Variants in IQGAP1 observed in about 807,000 individuals in gnomAD.
IQGAP1 encodes the protein IQ motif containing GTPase activating protein 1, also known as ras GTPase-activating-like protein IQGAP1.
A neutral mutation model predicts 215.6 loss-of-function variants in IQGAP1; 66 were observed. The ratio of observed to expected loss-of-function variants is 0.31; its 90% CI spans 0.25 to 0.38. The LOEUF is 0.38. IQGAP1 is among the 10% of genes least tolerant of loss of function. IQGAP1 has a pLI of 1.00. For missense variants in IQGAP1, 1,712 were observed against 1,997.1 expected, an observed-to-expected ratio of 0.86 and a Z score of 2.72; for synonymous variants, 772 against 728.7, an observed-to-expected ratio of 1.06 and a Z score of -0.96.
intron 15 of IQGAP1, among the ~76,000 whole-genome samples, chr15:90,461,817 T>C (rs985407744): frequency 1.3e-5 from 2 of 150,968 alleles, no homozygotes; most frequent in African/African-American, 4.9e-5. Flanking sequence ...ACAGCGAAGC[T>C]GCATCTCAAA....
At chr15:90,394,913 G>A (rs771855009) in intron 2 of IQGAP1, among the ~76,000 whole-genome samples, 2 of 152,204 alleles carry the variant, frequency 1.3e-5, no homozygotes, top group Non-Finnish European at 2.9e-5. Flanking sequence ...AGAGAGGAGT[G>A]TGTAGAGAGT....
chr15:90,418,972 C>T (rs1321410357), intron 2 of IQGAP1, among the ~76,000 whole-genome samples: 1 of 151,990 alleles, frequency 6.6e-6, no homozygotes, highest in East Asian at 1.9e-4. Flanking sequence ...ATGGTGAAAC[C>T]CTTTCTCTAC....
At chr15:90,476,903 G>C in intron 24 of IQGAP1, 85 bp downstream of exon 24, 11 of 1,481,318 alleles carry the variant, frequency 7.4e-6, no homozygotes, top group Non-Finnish European at 1.0e-5. Flanking sequence ...CTCTCTGGAA[G>C]TATTTTTGAC....
chr15:90,476,525 G>A, intron 23 of IQGAP1, 138 bp from the exon 24 acceptor site: 1 of 533,514 alleles, frequency 1.9e-6, no homozygotes, highest in Middle Eastern at 5.1e-4. Context: ...AAAGTGTAGT[G>A]GTTTTTAAAT....
At chr15:90,473,824 C>A (rs373817586) in intron 20 of IQGAP1, 26 bp downstream of exon 20, 7 of 1,610,396 alleles carry the variant, frequency 4.3e-6, no homozygotes, top group African/African-American at 1.3e-5. Flanking sequence ...CAGGGTTTCT[C>A]CATGAGGGGC....
chr15:90,472,414 C>T (rs1329287385), intron 18 of IQGAP1, among the ~76,000 whole-genome samples: 1 of 152,182 alleles, frequency 6.6e-6, no homozygotes, highest in Non-Finnish European at 1.5e-5. Context: ...AAGCAATTTT[C>T]AGTCCTCACC....
chr15:90,443,133 A>T (rs1292956736), intron 8 of IQGAP1, among the ~76,000 whole-genome samples: 1 of 152,158 alleles, frequency 6.6e-6, no homozygotes, highest in Non-Finnish European at 1.5e-5. Flanking sequence ...TAATAAAAAA[A>T]AGTTTTTTGT....
rs1966070124 is a variant in IQGAP1, at chr15:90,482,294, T to C, written c.3555+13T>C. The C allele has an allele frequency of 6.2e-7, 1 of 1,613,068 alleles. No homozygotes were observed. The highest frequency in any genetic ancestry group is 1.1e-5 in the South Asian group (1 of 91,036). On this transcript the variant is annotated intron_variant, in intron 28 of 37. Transcript: ENST00000268182. The stretch of plus-strand genomic sequence containing the variant: ...TGAGCTGCTGAAGGTAAGAATCTCA[T>C]AGCCGGCAGACTCCTGCCCTTTGAG...
At chr15:90,492,506 A>G (rs755616897) in intron 34 of IQGAP1, 39 bp from the exon 35 acceptor site, 2 of 1,523,790 alleles carry the variant, frequency 1.3e-6, no homozygotes, top group Non-Finnish European at 8.9e-7. Context: ...GATAATGATA[A>G]CTGTCGTTAT....
chr15:90,429,821 G>T (rs1218351310), intron 4 of IQGAP1, 155 bp downstream of exon 4: 7 of 498,272 alleles, frequency 1.4e-5, no homozygotes, highest in Non-Finnish European at 2.5e-5. Context: ...TTAGGAAATA[G>T]TTTTGTTCTT....
chr15:90,492,223 T>C (rs530507528), intron 34 of IQGAP1, among the ~76,000 whole-genome samples: 1 of 152,212 alleles, frequency 6.6e-6, no homozygotes, highest in East Asian at 1.9e-4. Flanking sequence ...CAGCACTTTC[T>C]GAGACCAAGG....
chr15:90,389,952 C>T lies in IQGAP1; in HGVS notation c.56-822C>T, dbSNP rs1035825077. On this transcript the variant is annotated intron_variant, in intron 1 of 37. Coordinates refer to ENST00000268182, the MANE Select transcript of IQGAP1 (RefSeq NM_003870.4). ...CCGGAGTGACAGAACAAGACCCTGTCTCAAAAAAAAAAAAAAAAAAGTTTG... is the reference window on the plus strand; with the variant it reads ...CCGGAGTGACAGAACAAGACCCTGTTTCAAAAAAAAAAAAAAAAAAGTTTG... 9.4e-3 allele frequency among the ~76,000 whole-genome samples: 827 copies of T among 88,444 alleles called. 10 individuals carry two copies. Among genetic ancestry groups the T allele is most frequent in the Non-Finnish European group, 7.5e-3 (383 of 51,182 alleles). 58.0% of individuals were successfully genotyped at this position (88,444 alleles called of 152,430 possible). A position where few individuals can be genotyped will look rare whatever the true frequency, so the allele number is the denominator to read the frequency against.
chr15:90,453,356 C>A, intron 13 of IQGAP1, 64 bp downstream of exon 13: 2 of 1,267,152 alleles, frequency 1.6e-6, no homozygotes, highest in Non-Finnish European at 2.2e-6. Flanking sequence ...TTTTGTATGT[C>A]AGTGCTCCGA....
intron 18 of IQGAP1, among the ~76,000 whole-genome samples, chr15:90,470,632 A>G (rs1359576524): frequency 6.6e-6 from 1 of 152,102 alleles, no homozygotes; most frequent in Non-Finnish European, 1.5e-5. Flanking sequence ...TACTCTTGCT[A>G]AGGGCCTTGA....
chr15:90,483,615 C>A (rs1330668645), intron 29 of IQGAP1, 22 bp downstream of exon 29: 1 of 1,491,892 alleles, frequency 6.7e-7, no homozygotes, highest in Non-Finnish European at 9.3e-7. Context: ...GGCACAAGTG[C>A]TTAAGAGAGT....
At chr15:90,494,534 C>A (rs1214800797) in intron 35 of IQGAP1, 179 bp from the exon 36 acceptor site, 3 of 392,874 alleles carry the variant, frequency 7.6e-6, no homozygotes, top group African/African-American at 2.1e-5. Context: ...AATATTTCCC[C>A]TGTTTTGCAG....
intron 2 of IQGAP1, among the ~76,000 whole-genome samples, chr15:90,392,085 A>G (rs1964643638): frequency 6.6e-6 from 1 of 151,804 alleles, no homozygotes; most frequent in African/African-American, 2.4e-5. Context: ...AAAACAAAAC[A>G]AAACCAACAT....
At chr15:90,485,966 A>G (rs887266689) in intron 30 of IQGAP1, 64 bp from the exon 31 acceptor site, 13 of 1,235,086 alleles carry the variant, frequency 1.1e-5, no homozygotes, top group Non-Finnish European at 1.5e-5. Flanking sequence ...ATTGTTAGAC[A>G]TTCTAGGGAG....
intron 17 of IQGAP1, among the ~76,000 whole-genome samples, chr15:90,467,202 T>A (rs1965844461): frequency 6.6e-6 from 1 of 152,228 alleles, no homozygotes; most frequent in East Asian, 1.9e-4. Context: ...AAGTTAATCA[T>A]GGTTAATTCC....
Sources: allele counts gnomAD v4.1 joint callset (sites outside exome capture counted in the v4.1 genomes callset), GRCh38; gene constraint gnomAD v4.1.1; transcripts MANE v1.5; gene names NCBI Gene and HGNC (gene_info 2026-07-23, HGNC 2026-07-21).